Variants in NUMB observed in about 807,000 individuals in gnomAD.
NUMB encodes the protein NUMB endocytic adaptor protein.
Under a neutral mutation model 59.7 loss-of-function variants are expected in NUMB, and 29 were observed. That is an observed-to-expected ratio of 0.49 (90% CI 0.36 to 0.66). NUMB has a LOEUF of 0.66. NUMB is among the 30% of genes least tolerant of loss of function. The pLI is 0.00. For missense variants in NUMB, 723 were observed against 822.0 expected (o/e 0.88, Z 1.47); for synonymous variants, 288 against 288.2 (o/e 1.00, Z 0.01).
chr14:73,406,095 T>TTG (rs1205050412), intron 2 of NUMB, among the ~76,000 whole-genome samples: 195 of 101,606 alleles, frequency 1.9e-3, no homozygotes, highest in African/African-American at 5.4e-3. Context: ...TATTTTTGTT[T>TTG]TTTTTTTTTT....
chr14:73,288,727 C>T (rs972907329), intron 8 of NUMB, among the ~76,000 whole-genome samples: 2 of 151,758 alleles, frequency 1.3e-5, no homozygotes, highest in African/African-American at 2.4e-5. Context: ...GGCATGATGG[C>T]GCATGCCTGT....
intron 4 of NUMB, among the ~76,000 whole-genome samples, chr14:73,336,052 T>A (rs1892296780): frequency 6.6e-6 from 1 of 152,082 alleles, no homozygotes; most frequent in Non-Finnish European, 1.5e-5. Flanking sequence ...AAATGTGAGA[T>A]CCCAAAACTT....
chr14:73,447,558 C>T (rs1191962734), intron 1 of NUMB, among the ~76,000 whole-genome samples: 1 of 151,238 alleles, frequency 6.6e-6, no homozygotes, highest in African/African-American at 2.4e-5. Context: ...GAACAATAGG[C>T]TGAGCACAGT....
chr14:73,388,509 CT>C (rs891348734), intron 2 of NUMB, among the ~76,000 whole-genome samples: 6 of 151,162 alleles, frequency 4.0e-5, no homozygotes, highest in South Asian at 2.1e-4. Context: ...AAGTTGGTAT[CT>C]TTTTTTTTCA....
At chr14:73,385,416 A>G (rs1040753568) in intron 2 of NUMB, among the ~76,000 whole-genome samples, 1 of 145,504 alleles carries the variant, frequency 6.9e-6, no homozygotes, top group Non-Finnish European at 1.5e-5. Flanking sequence ...TCCTAGAATT[A>G]TAGGTGTGAG....
At chr14:73,424,765 A>ATC (rs1424438201) in intron 1 of NUMB, among the ~76,000 whole-genome samples, 1 of 152,208 alleles carries the variant, frequency 6.6e-6, no homozygotes, top group Non-Finnish European at 1.5e-5. Context: ...TACAACACTC[A>ATC]TCTCTCCACT....
At chr14:73,311,230 AT>A (rs1416240782) in intron 6 of NUMB, among the ~76,000 whole-genome samples, 1 of 151,902 alleles carries the variant, frequency 6.6e-6, no homozygotes, top group African/African-American at 2.4e-5. Flanking sequence ...TAATTTTTGT[AT>A]TTTTAGTAGA....
intron 1 of NUMB, among the ~76,000 whole-genome samples, chr14:73,429,912 T>C (rs1897751752): frequency 6.6e-6 from 1 of 150,480 alleles, no homozygotes; most frequent in South Asian, 2.1e-4. Context: ...ACCACTGCAC[T>C]CCAGCCTGGG....
chr14:73,339,049 T>TA (rs1331583316), intron 4 of NUMB, among the ~76,000 whole-genome samples: 1 of 152,238 alleles, frequency 6.6e-6, no homozygotes, highest in Non-Finnish European at 1.5e-5. Context: ...CATTTGCAGG[T>TA]ATCTTACCCA....
chr14:73,292,583 C>G, intron 8 of NUMB, 151 bp downstream of exon 8: 2 of 646,394 alleles, frequency 3.1e-6, no homozygotes, highest in Non-Finnish European at 5.2e-6. Flanking sequence ...AGAGTGTGAA[C>G]TATTTGAATA....
At chr14:73,375,972 C>G (rs1436507708) in intron 2 of NUMB, among the ~76,000 whole-genome samples, 2 of 152,152 alleles carry the variant, frequency 1.3e-5, no homozygotes, top group African/African-American at 4.8e-5. Context: ...TGGTGAGAAA[C>G]TAGAAGCCTT....
At chr14:73,407,774 C>T (rs990762680) in intron 2 of NUMB, among the ~76,000 whole-genome samples, 2 of 152,216 alleles carry the variant, frequency 1.3e-5, no homozygotes, top group African/African-American at 4.8e-5. Context: ...GCACAGACCA[C>T]AATCACATGT....
chr14:73,285,720 G>T (rs1332040325), intron 9 of NUMB, among the ~76,000 whole-genome samples: 1 of 152,042 alleles, frequency 6.6e-6, no homozygotes, highest in Non-Finnish European at 1.5e-5. Context: ...GAGGTCAGGA[G>T]TTCAAGACCA....
chr14:73,368,942 G>A (rs933276007), intron 2 of NUMB, among the ~76,000 whole-genome samples: 4 of 151,938 alleles, frequency 2.6e-5, no homozygotes, highest in Admixed American at 6.6e-5. Flanking sequence ...AAACTAAAAA[G>A]TTTTCCTTCT....
intron 1 of NUMB, among the ~76,000 whole-genome samples, chr14:73,423,870 G>GA (rs1897463024): frequency 6.6e-6 from 1 of 151,292 alleles, no homozygotes; most frequent in Non-Finnish European, 1.5e-5. Context: ...GGAGGGTGAG[G>GA]CAGGAGAATC....
chr14:73,330,675 A>G (rs1594912896), intron 4 of NUMB, among the ~76,000 whole-genome samples: 2 of 152,258 alleles, frequency 1.3e-5, no homozygotes, highest in Non-Finnish European at 2.9e-5. Flanking sequence ...CAAATACTAT[A>G]TATGTCTTCG....
At chr14:73,451,366 G>A (rs1184748852) in intron 1 of NUMB, among the ~76,000 whole-genome samples, 1 of 151,404 alleles carries the variant, frequency 6.6e-6, no homozygotes, top group Admixed American at 6.6e-5. Flanking sequence ...GAACCCACAA[G>A]GCGGAGGTTG....
chr14:73,364,541 T>C (rs571680704), intron 3 of NUMB, among the ~76,000 whole-genome samples: 2 of 152,090 alleles, frequency 1.3e-5, no homozygotes, highest in Admixed American at 1.3e-4. Flanking sequence ...TAAAAATAAA[T>C]ACACATACAT....
intron 4 of NUMB, among the ~76,000 whole-genome samples, chr14:73,344,058 T>G (rs1449114101): frequency 6.6e-6 from 1 of 152,206 alleles, no homozygotes; most frequent in Non-Finnish European, 1.5e-5. Flanking sequence ...CAATTTGTTT[T>G]AGAATCAGTT....
Sources: allele counts gnomAD v4.1 joint callset (sites outside exome capture counted in the v4.1 genomes callset), GRCh38; gene constraint gnomAD v4.1.1; transcripts MANE v1.5; gene names NCBI Gene and HGNC (gene_info 2026-07-23, HGNC 2026-07-21).